IP6K2: variants seen among roughly 807,000 people sequenced by gnomAD.
IP6K2 encodes ATP:1D-myo-inositol-hexakisphosphate phosphotransferase.
In IP6K2, 9 loss-of-function variants were observed where a neutral mutation model predicts 43.3. The ratio of observed to expected loss-of-function variants is 0.21; its 90% CI spans 0.13 to 0.36. The LOEUF (loss-of-function observed/expected upper bound fraction) is 0.36. IP6K2 is among the 10% of genes least tolerant of loss of function. The pLI, the probability that IP6K2 is intolerant of heterozygous loss-of-function variation, is 1.00. For missense variants in IP6K2, 332 were observed against 538.4 expected, an observed-to-expected ratio of 0.62 and a Z score of 3.79; for synonymous variants, 209 against 202.4, an observed-to-expected ratio of 1.03 and a Z score of -0.28.
chr3:48,689,823 G>A (rs2077612707), intron 4 of IP6K2, 110 bp from the exon 5 acceptor site: 1 of 865,298 alleles, frequency 1.2e-6, no homozygotes, highest in Admixed American at 2.6e-5. Context: ...TGAACCCACA[G>A]GAGACTCCAT....
intron 1 of IP6K2, among the ~76,000 whole-genome samples, chr3:48,702,711 C>CCGTCTGACATACTCTA (rs1459700558): frequency 6.6e-6 from 1 of 152,182 alleles, no homozygotes; most frequent in Non-Finnish European, 1.5e-5. Flanking sequence ...GCACTTATCA[C>CCGTCTGACATACTCTA]CGTCTGACAT....
intron 1 of IP6K2, among the ~76,000 whole-genome samples, chr3:48,702,221 A>C (rs1293799582): frequency 6.6e-6 from 1 of 152,060 alleles, no homozygotes. Flanking sequence ...AAAGAGCGAG[A>C]CTCCATGTCA....
At chr3:48,702,777 G>C (rs1441590595) in intron 1 of IP6K2, among the ~76,000 whole-genome samples, 5 of 152,190 alleles carry the variant, frequency 3.3e-5, no homozygotes, top group Non-Finnish European at 5.9e-5. Context: ...ATTTCCACTT[G>C]AAAACAAGTT....
chr3:48,691,112 C>T (rs188675624), intron 4 of IP6K2, among the ~76,000 whole-genome samples, 195 bp downstream of exon 4: 19 of 152,352 alleles, frequency 1.2e-4, no homozygotes, highest in Admixed American at 2.6e-4. Context: ...TCATCATCTG[C>T]ACTCCTAGGC....
At chr3:48,694,781 G>A (rs763386239) in intron 2 of IP6K2, 17 of 1,533,330 alleles carry the variant, frequency 1.1e-5, no homozygotes, top group Middle Eastern at 1.7e-4. Flanking sequence ...TTCCCCCACC[G>A]TCCCCCCAGT....
chr3:48,699,719 C>T (rs979436406), intron 1 of IP6K2: 1 of 152,130 alleles, frequency 6.6e-6, no homozygotes, highest in Non-Finnish European at 1.5e-5. Flanking sequence ...CATTTTAGTA[C>T]CAGTTCTGCT....
At position 48,699,209 on chromosome 3, in the gene IP6K2, G is replaced by A. The variant is rs753348309; in HGVS notation, c.-130-3788C>T. ...TGGAATCACCTGAGGTCTGGAGTTC[G>A]AGACCAGCCTGACCAACATAGAGAA... is the stretch of plus-strand genomic sequence containing the variant. On this transcript the variant is annotated intron_variant, in intron 1 of 5. Coordinates refer to ENST00000328631, the MANE Select transcript of IP6K2 (RefSeq NM_016291.4). Among the ~76,000 whole-genome samples the A allele has an allele frequency of 2.6e-5, 4 of 151,982 alleles. No individual in the cohort carries two copies. The East Asian group carries it at 5.8e-4, about 22-fold the overall frequency.
intron 2 of IP6K2, chr3:48,693,927 G>C (rs2078018248): frequency 1.5e-6 from 2 of 1,331,546 alleles, no homozygotes; most frequent in Non-Finnish European, 1.9e-6. Context: ...GAGTAATTAA[G>C]ACAGTCTTTG....
chr3:48,692,504 T>C (rs952311093), intron 3 of IP6K2, among the ~76,000 whole-genome samples: 2 of 152,228 alleles, frequency 1.3e-5, no homozygotes, highest in Admixed American at 1.3e-4. Context: ...CTACATTACA[T>C]GTACTTTACT....
rs558956876 is a variant in IP6K2 at position 48,690,703 on chromosome 3, C to T, written c.604+604G>A. 2.7e-5 allele frequency among the ~76,000 whole-genome samples: 4 copies of T among 150,462 alleles called. No individual in the cohort carries two copies. In the Admixed American group the frequency reaches 2.7e-4, roughly 10 times the overall value. On this transcript the variant is annotated intron_variant, in intron 4 of 5. Coordinates refer to ENST00000328631, the MANE Select transcript of IP6K2 (RefSeq NM_016291.4). ...ACTTGGGTGGCTGAGGCATGAGAAT[C>T]GCTTGAACCTGGGAGACGGAGGTTG...
In IP6K2 at chr3:48,695,839, AATATATATT is replaced by A. The variant is rs925897526; in HGVS notation, c.-130-427_-130-419del. On this transcript the variant is annotated intron_variant, in intron 1 of 5. Coordinates refer to ENST00000328631, the MANE Select transcript of IP6K2 (RefSeq NM_016291.4). This position sits in a 1 kb window ranked among gnomAD's most constrained non-coding sequence, Gnocchi z 4.6. ...CCCATTAATTTTATATATTATATATAATATATATTATATATATAAAATAAATATATATAT... is the reference window on the plus strand; with the variant it reads ...CCCATTAATTTTATATATTATATATAATATATATAAAATAAATATATATAT... Among the ~76,000 whole-genome samples the A allele has an allele frequency of 6.8e-6, 1 of 146,872 alleles. No homozygotes were observed. Among genetic ancestry groups the A allele is most frequent in the African/African-American group, 2.5e-5 (1 of 40,470 alleles).
rs569277750 is a variant in IP6K2 at position 48,698,087 on chromosome 3, G to A, written c.-130-2666C>T. 2.6e-5 allele frequency among the ~76,000 whole-genome samples: 4 copies of A among 152,250 alleles called. 1 individual carries two copies. The highest frequency in any genetic ancestry group is 9.6e-5 in the African/African-American group (4 of 41,548). ...AGAAGAGTCCAGAAACTCAACACAG[G>A]CAATGGAACTGTAAATATGAGTACA... On this transcript the variant is annotated intron_variant, in intron 1 of 5. Coordinates refer to ENST00000328631, the MANE Select transcript of IP6K2 (RefSeq NM_016291.4).
At chr3:48,712,670 C>A (rs747762490) in intron 1 of IP6K2, among the ~76,000 whole-genome samples, 1 of 152,078 alleles carries the variant, frequency 6.6e-6, no homozygotes, top group Non-Finnish European at 1.5e-5. Context: ...GAGCTATGAT[C>A]GCTGCACTGC....
chr3:48,692,335 GC>G (rs1446191209), intron 3 of IP6K2, among the ~76,000 whole-genome samples: 1 of 152,142 alleles, frequency 6.6e-6, no homozygotes, highest in Non-Finnish European at 1.5e-5. Context: ...TCCAAGATCA[GC>G]CCCTGCTCCC....
intron 2 of IP6K2, chr3:48,694,191 GA>G: frequency 6.4e-7 from 1 of 1,551,190 alleles, no homozygotes; most frequent in Non-Finnish European, 8.7e-7. Context: ...AGGACCAGGG[GA>G]AAAAATGGGG....
intron 1 of IP6K2, among the ~76,000 whole-genome samples, chr3:48,714,743 C>T (rs1361254873): frequency 1.3e-5 from 2 of 149,664 alleles, no homozygotes; most frequent in Non-Finnish European, 2.9e-5. Context: ...GAGGCTGAGG[C>T]AGGCTGAGGC....
Position 48,688,876 on chromosome 3 carries a change from G to A in IP6K2, c.781-103C>T, listed in dbSNP as rs2077540908. 16 of 1,261,728 alleles carry A rather than the reference G, an allele frequency of 1.3e-5. No individual in the cohort carries two copies. The South Asian group carries it at 2.0e-4, about 16-fold the overall frequency. 78.2% of individuals were successfully genotyped at this position (1,261,728 alleles called of 1,614,324 possible). On this transcript the variant is annotated intron_variant, in intron 5 of 5. Transcript: ENST00000328631. The surrounding 1 kb of genome is among the most constrained non-coding windows in gnomAD (Gnocchi z 5.1). Reference sequence around the variant, plus strand: ...GGTGGTGGCGGCATGTGACAGCCCAGATCAGATAAAGTACACCAGTTGCAC... The same window carrying A: ...GGTGGTGGCGGCATGTGACAGCCCAAATCAGATAAAGTACACCAGTTGCAC...
rs772703699 is a variant in IP6K2 at position 48,688,657 on chromosome 3, C to T, written c.897G>A (p.Leu299=). The T allele has an allele frequency of 6.2e-7, 1 of 1,614,210 alleles. No individual in the cohort carries two copies. Among genetic ancestry groups the T allele is most frequent in the Non-Finnish European group, 8.5e-7 (1 of 1,180,042 alleles). The change falls in exon 6 of 6, where the codon CTG becomes CTA. Residue 299 remains leucine (L), a synonymous_variant. Coordinates refer to ENST00000328631, the MANE Select transcript of IP6K2 (RefSeq NM_016291.4). The surrounding 1 kb of genome is among the most constrained non-coding windows in gnomAD (Gnocchi z 5.1). ...GCACAGGGCCCAGGAGTTCACGGCG[C>T]AGGTACCGCCCATTGTGGAAGAACT... ...LFQFFHNGRY[L]RRELLGPVLK...
At position 48,717,050 on chromosome 3, in the gene IP6K2, C is replaced by A. The variant is rs74989279; in HGVS notation, c.-131+107G>T. The A allele has an allele frequency of 7.7e-3, 1,188 of 154,838 alleles. 16 individuals are homozygous for A. Among genetic ancestry groups the A allele is most frequent in the African/African-American group, 0.027 (1,135 of 41,620 alleles). 9.6% of individuals were successfully genotyped at this position (154,838 alleles called of 1,614,324 possible). ...CAATGACCACGGAAGAAGTCTTTCC[C>A]AAATAACCTGGGAGACTCCAATGAT... On this transcript the variant is annotated intron_variant, in intron 1 of 5. Transcript: ENST00000328631.
Sources: allele counts gnomAD v4.1 joint callset (sites outside exome capture counted in the v4.1 genomes callset), GRCh38; gene constraint gnomAD v4.1.1; non-coding constraint Gnocchi (gnomAD v3.1); transcripts MANE v1.5; gene names NCBI Gene and HGNC (gene_info 2026-07-23, HGNC 2026-07-21).